Variants in CAMKMT observed in about 807,000 individuals in gnomAD.
CAMKMT encodes CaM KMT.
Under a neutral mutation model 48.0 loss-of-function variants are expected in CAMKMT, and 53 were observed. The observed-to-expected ratio is 1.10, with a 90% confidence interval of 0.89 to 1.39. The LOEUF is 1.39. CAMKMT is among the 40% of genes most tolerant of loss of function. The pLI, the probability that CAMKMT is intolerant of heterozygous loss-of-function variation, is 0.00. For missense variants in CAMKMT, 428 were observed against 402.7 expected (o/e 1.06, Z -0.54); for synonymous variants, 165 against 152.3 (o/e 1.08, Z -0.61).
intron 3 of CAMKMT, among the ~76,000 whole-genome samples, chr2:44,608,883 G>T (rs960781420): frequency 6.6e-6 from 1 of 152,126 alleles, no homozygotes; most frequent in African/African-American, 2.4e-5. Context: ...GTGCCTCTAA[G>T]CTGTTAGTTT....
At chr2:44,719,779 A>C (rs1371876521) in intron 7 of CAMKMT, among the ~76,000 whole-genome samples, 1 of 152,174 alleles carries the variant, frequency 6.6e-6, no homozygotes. Context: ...GTGTCTGTAG[A>C]CAAACTGACA....
chr2:44,696,124 G>T (rs1676936853), intron 3 of CAMKMT, among the ~76,000 whole-genome samples: 1 of 151,896 alleles, frequency 6.6e-6, no homozygotes, highest in African/African-American at 2.4e-5. Flanking sequence ...TGTATTTTTA[G>T]TAGAAACGGG....
intron 3 of CAMKMT, among the ~76,000 whole-genome samples, chr2:44,414,550 G>C (rs576890056): frequency 6.6e-6 from 1 of 152,316 alleles, no homozygotes. Flanking sequence ...TGTAAGATCA[G>C]AGAGACAGAG....
chr2:44,547,278 T>C (rs369440529), intron 3 of CAMKMT, among the ~76,000 whole-genome samples: 4 of 152,280 alleles, frequency 2.6e-5, no homozygotes, highest in East Asian at 3.9e-4. Flanking sequence ...TAAAAACTGT[T>C]CTATGCTGAT....
intron 10 of CAMKMT, among the ~76,000 whole-genome samples, chr2:44,769,448 C>T (rs1681008899): frequency 6.6e-6 from 1 of 152,152 alleles, no homozygotes; most frequent in Non-Finnish European, 1.5e-5. Flanking sequence ...CCCTCTCCTC[C>T]CCAGCCTTTT....
chr2:44,370,615 C>T (rs959349208), intron 1 of CAMKMT, among the ~76,000 whole-genome samples: 3 of 151,020 alleles, frequency 2.0e-5, no homozygotes, highest in East Asian at 1.9e-4. Context: ...ATTATCGATC[C>T]TCTCTCCTGT....
chr2:44,641,128 A>G (rs1673430122), intron 3 of CAMKMT, among the ~76,000 whole-genome samples: 3 of 152,164 alleles, frequency 2.0e-5, no homozygotes, highest in Non-Finnish European at 4.4e-5. Context: ...AAGCCTAAAG[A>G]ATCTTTCAAG....
At chr2:44,529,300 A>G (rs985744780) in intron 3 of CAMKMT, among the ~76,000 whole-genome samples, 2 of 152,236 alleles carry the variant, frequency 1.3e-5, no homozygotes, top group African/African-American at 4.8e-5. Flanking sequence ...GAAAATCACC[A>G]TAAAATTTAA....
rs949135213 is a variant in CAMKMT at position 44,772,289 on chromosome 2, T to C, written c.*176T>C. 1 of 559,238 alleles carries C rather than the reference T, an allele frequency of 1.8e-6. No homozygotes were observed. 34.6% of individuals were successfully genotyped at this position (559,238 alleles called of 1,614,324 possible). On this transcript the variant is annotated 3_prime_UTR_variant, in exon 11 of 11. Transcript: ENST00000378494. The stretch of plus-strand genomic sequence containing the variant: ...TTATTCCCCAGCTGCCCTCTCCAGC[T>C]CCCTCCCCGCCTCTTTTTACACTCT...
At chr2:44,451,759 A>G (rs1367491162) in intron 3 of CAMKMT, among the ~76,000 whole-genome samples, 1 of 151,974 alleles carries the variant, frequency 6.6e-6, no homozygotes, top group African/African-American at 2.4e-5. Flanking sequence ...TAAAATGTTA[A>G]GGATAGAATC....
chr2:44,622,605 G>C (rs1656109999), intron 3 of CAMKMT, among the ~76,000 whole-genome samples: 1 of 152,226 alleles, frequency 6.6e-6, no homozygotes, highest in Non-Finnish European at 1.5e-5. Context: ...TTGGTTGTCT[G>C]TTCCTGCATT....
intron 3 of CAMKMT, among the ~76,000 whole-genome samples, chr2:44,416,521 T>A (rs1236677834): frequency 6.6e-6 from 1 of 151,968 alleles, no homozygotes; most frequent in Non-Finnish European, 1.5e-5. Context: ...TATAAATGCA[T>A]TCTTATATGT....
intron 3 of CAMKMT, among the ~76,000 whole-genome samples, chr2:44,541,648 G>A (rs1488559096): frequency 6.6e-6 from 1 of 151,854 alleles, no homozygotes; most frequent in Admixed American, 6.6e-5. Context: ...GTGCATCCTT[G>A]TAGTCCCAGC....
At chr2:44,388,751 G>A (rs1462431336) in intron 2 of CAMKMT, among the ~76,000 whole-genome samples, 1 of 152,168 alleles carries the variant, frequency 6.6e-6, no homozygotes, top group African/African-American at 2.4e-5. Flanking sequence ...CTTCCTATGA[G>A]CAGAACTGCT....
At chr2:44,440,572 T>C (rs1299653325) in intron 3 of CAMKMT, among the ~76,000 whole-genome samples, 1 of 152,180 alleles carries the variant, frequency 6.6e-6, no homozygotes. Context: ...TAATGAATTA[T>C]GATAAAATTT....
Position 44,659,156 on chromosome 2 carries a change from T to C in CAMKMT, c.377-45127T>C, listed in dbSNP as rs1039315863. On this transcript the variant is annotated intron_variant, in intron 3 of 10. Coordinates refer to ENST00000378494, the MANE Select transcript of CAMKMT (RefSeq NM_024766.5). Reference sequence around the variant, plus strand: ...AGTAGGTGAGGCTAGGCACAGTGGCTCACACCTGTAACCCCAACAGTTTCA... The same window carrying C: ...AGTAGGTGAGGCTAGGCACAGTGGCCCACACCTGTAACCCCAACAGTTTCA... Among the ~76,000 whole-genome samples, 3 of 148,604 alleles carry C rather than the reference T, an allele frequency of 2.0e-5. No individual in the cohort carries two copies. In the Admixed American group the frequency reaches 2.0e-4, roughly 10 times the overall value.
intron 3 of CAMKMT, among the ~76,000 whole-genome samples, chr2:44,554,574 A>G (rs920799931): frequency 2.0e-5 from 3 of 152,180 alleles, no homozygotes; most frequent in Admixed American, 2.0e-4. Context: ...TGTTCCTACA[A>G]AAATTTAAAA....
intron 7 of CAMKMT, among the ~76,000 whole-genome samples, chr2:44,717,346 G>C (rs1055809012): frequency 1.2e-4 from 19 of 152,094 alleles, no homozygotes; most frequent in South Asian, 2.1e-4. Flanking sequence ...CTAGTGAACA[G>C]GTAGATGAGT....
chr2:44,391,077 A>G (rs1247051610), intron 3 of CAMKMT, among the ~76,000 whole-genome samples: 2 of 152,036 alleles, frequency 1.3e-5, no homozygotes, highest in African/African-American at 2.4e-5. Flanking sequence ...TAGTACTCAT[A>G]CTCTTTTTCT....
Sources: allele counts gnomAD v4.1 joint callset (sites outside exome capture counted in the v4.1 genomes callset), GRCh38; gene constraint gnomAD v4.1.1; transcripts MANE v1.5; gene names NCBI Gene and HGNC (gene_info 2026-07-23, HGNC 2026-07-21).